The following DLGAP4 variants were observed in gnomAD, a reference collection of about 807,000 sequenced individuals.
The protein encoded by DLGAP4 is disks large-associated protein 4.
A neutral mutation model predicts 86.9 loss-of-function variants in DLGAP4; 18 were observed. The ratio of observed to expected loss-of-function variants is 0.21; its 90% CI spans 0.14 to 0.31. The LOEUF is 0.31. DLGAP4 is among the 10% of genes least tolerant of loss of function. The probability of loss-of-function intolerance (pLI) is 1.00; values close to 1 mark genes in which losing one functional copy is unlikely to be tolerated. For missense variants in DLGAP4, 1,085 were observed against 1,362.6 expected, an observed-to-expected ratio of 0.80 and a Z score of 3.21; for synonymous variants, 548 against 574.3, an observed-to-expected ratio of 0.95 and a Z score of 0.65.
chr20:36,527,099 G>T lies in DLGAP4; in HGVS notation c.*68G>T. 6.9e-7 allele frequency: 1 copy of T among 1,445,192 alleles called. No individual in the cohort carries two copies. The highest frequency in any genetic ancestry group is 9.3e-7 in the Non-Finnish European group (1 of 1,079,030). The allele number at this position is 1,445,192 out of a possible 1,614,324, so 89.5% of individuals were successfully genotyped here. A position where few individuals can be genotyped will look rare whatever the true frequency, so the allele number is the denominator to read the frequency against. On this transcript the variant is annotated 3_prime_UTR_variant, in exon 13 of 13. Coordinates refer to ENST00000339266, the MANE Select transcript of DLGAP4 (RefSeq NM_001365621.2). Reference sequence around the variant, plus strand: ...ACAAAAACTAAGTGCGAACGGAACAGAGTTTTCTCAACCTTTGCTATGGTT... The same window carrying T: ...ACAAAAACTAAGTGCGAACGGAACATAGTTTTCTCAACCTTTGCTATGGTT...
chr20:36,320,424 GCCCACACTGACCC>G (rs1280949187), intron 1 of DLGAP4, among the ~76,000 whole-genome samples: 1 of 151,966 alleles, frequency 6.6e-6, no homozygotes, highest in Non-Finnish European at 1.5e-5. Context: ...GCCCAGCCAG[GCCCACACTGACCC>G]TTGCCCTGGT....
At chr20:36,512,672 C>G (rs1246146301) in intron 10 of DLGAP4, 2 of 152,354 alleles carry the variant, frequency 1.3e-5, no homozygotes, top group Non-Finnish European at 2.9e-5. Flanking sequence ...GTTGCTGTTG[C>G]ATTCAGGGTG....
intron 1 of DLGAP4, among the ~76,000 whole-genome samples, chr20:36,307,856 A>G (rs1165175346): frequency 6.6e-6 from 1 of 152,184 alleles, no homozygotes; most frequent in African/African-American, 2.4e-5. Context: ...GGTGGGAATC[A>G]GTTGTACAGG....
At chr20:36,352,465 G>A (rs559361806) in intron 1 of DLGAP4, among the ~76,000 whole-genome samples, 1 of 151,800 alleles carries the variant, frequency 6.6e-6, no homozygotes, top group African/African-American at 2.4e-5. Flanking sequence ...GGTGGGGGTG[G>A]GGAGGGCCGG....
chr20:36,503,849 C>T (rs531608067), intron 10 of DLGAP4, among the ~76,000 whole-genome samples: 44 of 152,246 alleles, frequency 2.9e-4, no homozygotes, highest in African/African-American at 1.0e-3. Flanking sequence ...GAGGTTCATC[C>T]ATGTTGTAGC....
At chr20:36,502,501 C>T (rs2036189265) in intron 10 of DLGAP4, among the ~76,000 whole-genome samples, 1 of 152,104 alleles carries the variant, frequency 6.6e-6, no homozygotes, top group African/African-American at 2.4e-5. Flanking sequence ...CCACAGAGTG[C>T]CACCATGCCC....
Position 36,432,592 on chromosome 20 carries a change from G to T in DLGAP4, c.875G>T (p.Gly292Val). The T allele has an allele frequency of 6.2e-7, 1 of 1,611,958 alleles. No individual in the cohort carries two copies. Among genetic ancestry groups the T allele is most frequent in the Non-Finnish European group, 8.5e-7 (1 of 1,179,322 alleles). The change falls in exon 3 of 13, where the codon GGC becomes GTC. Residue 292 changes from glycine (G) to valine (V), a missense_variant. Coordinates refer to ENST00000339266, the MANE Select transcript of DLGAP4 (RefSeq NM_001365621.2). The surrounding 1 kb of genome is among the most constrained non-coding windows in gnomAD (Gnocchi z 6.5). ...ACTGACACCAACTACGTCAAACGGG[G>T]CTCCTGGTCCACTCTGACCCTCAGC... is the stretch of plus-strand genomic sequence containing the variant. ...VGTDTNYVKR[G>V]SWSTLTLSHA...
chr20:36,433,233 A>G (rs748166157), intron 3 of DLGAP4, among the ~76,000 whole-genome samples: 6 of 152,236 alleles, frequency 3.9e-5, no homozygotes, highest in Non-Finnish European at 8.8e-5. Context: ...ACACAGTCCC[A>G]AAGATTAGAA....
At chr20:36,509,373 C>A (rs534235567) in intron 10 of DLGAP4, among the ~76,000 whole-genome samples, 2 of 152,236 alleles carry the variant, frequency 1.3e-5, no homozygotes, top group African/African-American at 2.4e-5. Context: ...GAGTTTGAGA[C>A]CAGCCTGGCC....
In DLGAP4 at chr20:36,517,786, T is replaced by G. The variant is rs992743345; in HGVS notation, c.2513-6464T>G. On this transcript the variant is annotated intron_variant, in intron 10 of 12. Coordinates refer to ENST00000339266, the MANE Select transcript of DLGAP4 (RefSeq NM_001365621.2). ...TTTTAGTACACTGCCGGGTTTAATA[T>G]GTGATTTAATAATTTTGTCTTTGTT... 1.2e-4 allele frequency among the ~76,000 whole-genome samples: 18 copies of G among 152,194 alleles called. 1 individual carries two copies. Among genetic ancestry groups the G allele is most frequent in the African/African-American group, 4.3e-4 (18 of 41,452 alleles).
rs575582414 is a variant in DLGAP4 at position 36,439,754 on chromosome 20, G to A, written c.1242G>A (p.Arg414=). ...QSLGEQSNPR[R]SLDRLDSVDM... is the part of the protein sequence containing the mutation. ...CTGTCTGCTCCCCACTCCCCACCAG[G>A]AGTCTGGACCGCCTGGATTCAGTGG... The change falls in exon 5 of 13, where the codon AGG becomes AGA. Residue 414 remains arginine (R), a splice_region_variant and synonymous_variant. Transcript: ENST00000339266. The A allele has an allele frequency of 2.5e-6, 4 of 1,612,650 alleles. No individual in the cohort carries two copies. The Admixed American group carries it at 5.0e-5, about 20-fold the overall frequency.
In DLGAP4 at chr20:36,500,407, C is replaced by A; in HGVS notation, c.2308C>A (p.Pro770Thr). The A allele has an allele frequency of 6.3e-7, 1 of 1,591,932 alleles. No individual in the cohort carries two copies. The highest frequency in any genetic ancestry group is 8.6e-7 in the Non-Finnish European group (1 of 1,168,100). Reference sequence around the variant, plus strand: ...CCTCTCCTATGGAGACAACAGCGACCCTGCCCTAGAGGCGTCCTCGCTGCC... The same window carrying A: ...CCTCTCCTATGGAGACAACAGCGACACTGCCCTAGAGGCGTCCTCGCTGCC... ...RNLSYGDNSDPALEASSLPPP... is the reference protein window; with the variant it reads ...RNLSYGDNSDTALEASSLPPP... The change falls in exon 10 of 13, where the codon CCT becomes ACT. Residue 770 changes from proline to threonine, a missense_variant. Coordinates refer to ENST00000339266, the MANE Select transcript of DLGAP4 (RefSeq NM_001365621.2). This position sits in a 1 kb window ranked among gnomAD's most constrained non-coding sequence, Gnocchi z 4.6.
intron 7 of DLGAP4, among the ~76,000 whole-genome samples, chr20:36,455,144 C>T (rs1390105500): frequency 1.3e-5 from 2 of 151,994 alleles, no homozygotes; most frequent in African/African-American, 4.8e-5. Context: ...CAGCCTCCCT[C>T]CTCCTCCCTC....
intron 2 of DLGAP4, among the ~76,000 whole-genome samples, chr20:36,377,980 G>A (rs1318059043): frequency 6.6e-6 from 1 of 152,306 alleles, no homozygotes; most frequent in Middle Eastern, 3.4e-3. Flanking sequence ...CTCGGGCCTG[G>A]TCCTTCCAGG....
At chr20:36,491,030 T>TAA (rs757935259) in intron 7 of DLGAP4, among the ~76,000 whole-genome samples, 28 of 101,434 alleles carry the variant, frequency 2.8e-4, no homozygotes, top group African/African-American at 3.6e-4. Context: ...CCATCTCTAC[T>TAA]AAAAAAAAAA....
At chr20:36,470,183 T>A (rs533758001) in intron 7 of DLGAP4, among the ~76,000 whole-genome samples, 2 of 152,256 alleles carry the variant, frequency 1.3e-5, no homozygotes, top group South Asian at 4.1e-4. Flanking sequence ...TTTCCCGTCC[T>A]TCCTGTAGGA....
chr20:36,328,717 C>T (rs1555891226), intron 1 of DLGAP4, among the ~76,000 whole-genome samples: 2 of 151,968 alleles, frequency 1.3e-5, no homozygotes. Flanking sequence ...CAACCTCCAC[C>T]TCCTGGGTTC....
chr20:36,512,073 G>C (rs6014446), intron 10 of DLGAP4, among the ~76,000 whole-genome samples: 5,380 of 131,688 alleles, frequency 0.041, 426 homozygotes, highest in African/African-American at 0.15. Flanking sequence ...TTTTTTGAGA[G>C]AGAGTCTTGC....
At chr20:36,312,381 A>G (rs1013761059) in intron 1 of DLGAP4, among the ~76,000 whole-genome samples, 7,604 of 149,200 alleles carry the variant, frequency 0.051, 633 homozygotes, top group African/African-American at 0.18. Flanking sequence ...ACACGCACAC[A>G]CACACACACA....
Sources: allele counts gnomAD v4.1 joint callset (sites outside exome capture counted in the v4.1 genomes callset), GRCh38; gene constraint gnomAD v4.1.1; non-coding constraint Gnocchi (gnomAD v3.1); transcripts MANE v1.5; gene names NCBI Gene and HGNC (gene_info 2026-07-23, HGNC 2026-07-21).